ATP5F1C: variants seen among roughly 807,000 people sequenced by gnomAD.
ATP5F1C encodes ATP synthase F(1) complex subunit gamma, mitochondrial.
Under a neutral mutation model 37.4 loss-of-function variants are expected in ATP5F1C, and 22 were observed. The observed-to-expected ratio is 0.59, with a 90% CI of 0.42 to 0.84. The LOEUF (loss-of-function observed/expected upper bound fraction) is 0.84, where lower values mean the gene tolerates loss of function less well. Ranked by LOEUF, ATP5F1C falls within the 40% of genes least tolerant of loss-of-function variation. The pLI is 0.00. For synonymous variants in ATP5F1C, 121 were observed against 128.0 expected (o/e 0.95, Z 0.37); for missense variants, 286 against 362.4 (o/e 0.79, Z 1.71).
intron 1 of ATP5F1C, among the ~76,000 whole-genome samples, chr10:7,789,062 T>C (rs1199027428): frequency 6.6e-6 from 1 of 151,854 alleles, no homozygotes; most frequent in African/African-American, 2.4e-5. Context: ...TAAACATTAG[T>C]TCCGGGTAGG....
At chr10:7,795,707 A>T (rs1564331244) in intron 1 of ATP5F1C, among the ~76,000 whole-genome samples, 1 of 152,136 alleles carries the variant, frequency 6.6e-6, no homozygotes, top group Non-Finnish European at 1.5e-5. Flanking sequence ...TATATCATTG[A>T]CTCTGTTACT....
chr10:7,793,229 A>C (rs1479691779), intron 1 of ATP5F1C, among the ~76,000 whole-genome samples: 1 of 152,204 alleles, frequency 6.6e-6, no homozygotes, highest in African/African-American at 2.4e-5. Flanking sequence ...CTTCTGCCTC[A>C]GCCTCCTGAG....
chr10:7,797,372 TC>T lies in ATP5F1C; in HGVS notation c.223+197del, dbSNP rs1382321847. On this transcript the variant is annotated intron_variant, in intron 3 of 9. Transcript: ENST00000356708. ...GTAGTACAGGTAGGGACTGTTAGAA[TC>T]CCTGCTTTCCAGTGAGAAAAACTGA... 4.6e-5 allele frequency among the ~76,000 whole-genome samples: 7 copies of T among 152,168 alleles called. No homozygotes were observed. In the East Asian group the frequency reaches 1.3e-3, roughly 29 times the overall value.
chr10:7,796,801 G>C, intron 2 of ATP5F1C: 1 of 282,434 alleles, frequency 3.5e-6, no homozygotes, highest in Non-Finnish European at 6.6e-6. Context: ...AGCCAAGATG[G>C]TCTTGATCTC....
intron 1 of ATP5F1C, among the ~76,000 whole-genome samples, chr10:7,789,393 A>T (rs1337183903): frequency 6.6e-6 from 1 of 152,236 alleles, no homozygotes; most frequent in Non-Finnish European, 1.5e-5. Context: ...ATGATATCTG[A>T]TGTGAATTAG....
In ATP5F1C at chr10:7,797,869, G is replaced by A. The variant is rs867713376; in HGVS notation, c.223+691G>A. On this transcript the variant is annotated intron_variant, in intron 3 of 9. Coordinates refer to ENST00000356708, the MANE Select transcript of ATP5F1C (RefSeq NM_001001973.3). ...CCATCCTTAATTAGTCTTCTTAATG[G>A]AAAAGAGATGAGATATGACAGTTTA... 2.6e-5 allele frequency among the ~76,000 whole-genome samples: 4 copies of A among 152,136 alleles called. No individual in the cohort carries two copies. In the South Asian group the frequency reaches 8.3e-4, roughly 32 times the overall value.
intron 2 of ATP5F1C, chr10:7,796,409 A>G: frequency 3.1e-6 from 1 of 326,140 alleles, no homozygotes; most frequent in Non-Finnish European, 5.7e-6. Context: ...GTGTTGGTGT[A>G]GGTGGGTGTA....
In ATP5F1C at chr10:7,789,924, C is replaced by A. The variant is rs184284994; in HGVS notation, c.56+1661C>A. The stretch of plus-strand genomic sequence containing the variant: ...GACAACTACTGTTAGGAGCTTAAAT[C>A]GGAACCACAATCAGCATATAAAGGT... On this transcript the variant is annotated intron_variant, in intron 1 of 9. Coordinates refer to ENST00000356708, the MANE Select transcript of ATP5F1C (RefSeq NM_001001973.3). Among the ~76,000 whole-genome samples the A allele has an allele frequency of 6.6e-5, 10 of 152,300 alleles. No individual in the cohort carries two copies. In the East Asian group the frequency reaches 1.7e-3, roughly 26 times the overall value.
chr10:7,807,600 CATT>C, intron 9 of ATP5F1C, 56 bp from the exon 10 acceptor site: 1 of 1,552,910 alleles, frequency 6.4e-7, no homozygotes, highest in East Asian at 2.3e-5. Flanking sequence ...TATCTCTTGA[CATT>C]ATTTTCCCAA....
chr10:7,807,672 A>G lies in ATP5F1C; in HGVS notation c.*44A>G. ...TTTGTTTTTCAGGTAAAGAAGGAAAATTCAGCCAGTTGATTTTGTTTTTAG... is the reference window on the plus strand; with the variant it reads ...TTTGTTTTTCAGGTAAAGAAGGAAAGTTCAGCCAGTTGATTTTGTTTTTAG... On this transcript the variant is annotated 3_prime_UTR_variant, in exon 10 of 10. Coordinates refer to ENST00000356708, the MANE Select transcript of ATP5F1C (RefSeq NM_001001973.3). 12 of 1,607,600 alleles carry G rather than the reference A, an allele frequency of 7.5e-6. No individual in the cohort carries two copies. Among genetic ancestry groups the G allele is most frequent in the Non-Finnish European group, 7.6e-6 (9 of 1,176,632 alleles).
At position 7,788,184 on chromosome 10, in the gene ATP5F1C, A is replaced by C. The variant is rs772673260; in HGVS notation, c.-24A>C. On this transcript the variant is annotated 5_prime_UTR_variant, in exon 1 of 10. Transcript: ENST00000356708. ...ATGCGCGCTGAGGCCTGCCTGACCGACCTTCAGCAGGGCTGTGGCTACCAT... is the reference window on the plus strand; with the variant it reads ...ATGCGCGCTGAGGCCTGCCTGACCGCCCTTCAGCAGGGCTGTGGCTACCAT... 5 of 1,612,404 alleles carry C rather than the reference A, an allele frequency of 3.1e-6. No homozygotes were observed. The highest frequency in any genetic ancestry group is 3.3e-5 in the Admixed American group (2 of 59,968).
In ATP5F1C at chr10:7,802,818, A is replaced by T; in HGVS notation, c.854A>T (p.Lys285Ile). 6.2e-7 allele frequency: 1 copy of T among 1,614,014 alleles called. No individual in the cohort carries two copies. Among genetic ancestry groups the T allele is most frequent in the Non-Finnish European group, 8.5e-7 (1 of 1,179,972 alleles). ...FNRTRQAVITKELIEIISGAA... is the reference protein window; with the variant it reads ...FNRTRQAVITIELIEIISGAA... Reference sequence around the variant, plus strand: ...CGTACCCGCCAAGCTGTCATCACAAAAGAGTTGATTGAAATTATCTCTGGT... The same window carrying T: ...CGTACCCGCCAAGCTGTCATCACAATAGAGTTGATTGAAATTATCTCTGGT... The change falls in exon 8 of 10, where the codon AAA (lysine) becomes ATA (isoleucine). Residue 285 changes from lysine to isoleucine, a missense_variant. Coordinates refer to ENST00000356708, the MANE Select transcript of ATP5F1C (RefSeq NM_001001973.3).
Position 7,797,131 on chromosome 10 carries a change from C to A in ATP5F1C, c.176C>A (p.Ala59Asp). Residue 59 changes from alanine (A) to aspartate (D), a missense_variant, in exon 3 of 10, where the codon GCT becomes GAT. By Grantham distance (126) the Ala-to-Asp change is moderately radical. Coordinates refer to ENST00000356708, the MANE Select transcript of ATP5F1C (RefSeq NM_001001973.3). ...KMVAAAKYAR[A>D]ERELKPARIY... Reference sequence around the variant, plus strand: ...GTAGCGGCAGCAAAATATGCCCGAGCTGAGAGAGAGCTGAAACCAGCTCGA... The same window carrying A: ...GTAGCGGCAGCAAAATATGCCCGAGATGAGAGAGAGCTGAAACCAGCTCGA... 6.2e-7 allele frequency: 1 copy of A among 1,614,102 alleles called. No individual in the cohort carries two copies. The highest frequency in any genetic ancestry group is 8.5e-7 in the Non-Finnish European group (1 of 1,180,020).
Position 7,788,258 on chromosome 10 carries a change from G to T in ATP5F1C, c.51G>T (p.Pro17=). 6.2e-7 allele frequency: 1 copy of T among 1,613,298 alleles called. No individual in the cohort carries two copies. The highest frequency in any genetic ancestry group is 8.5e-7 in the Non-Finnish European group (1 of 1,179,820). The part of the protein sequence containing the change: ...VAGLSAWTLQ[P]QWIQVRNMAT... ...GGCTGTCGGCCTGGACCTTGCAGCC[G>T]CAATGGTATGGCAGCTTGCGGGAAG... is the stretch of plus-strand genomic sequence containing the variant. Residue 17 remains proline (P), a synonymous_variant, in exon 1 of 10, where the codon CCG becomes CCT. Transcript: ENST00000356708.
intron 6 of ATP5F1C, 42 bp downstream of exon 6, chr10:7,800,133 A>G (rs1836327163): frequency 6.3e-7 from 1 of 1,574,992 alleles, no homozygotes; most frequent in Non-Finnish European, 8.7e-7. Context: ...GGCATATAGA[A>G]TGGAGAGATT....
At chr10:7,806,641 A>G (rs1244439) in intron 8 of ATP5F1C, among the ~76,000 whole-genome samples, 65,224 of 150,410 alleles carry the variant, frequency 0.43, 14,286 homozygotes, top group South Asian at 0.55. Context: ...GCAACAGAAC[A>G]AGACTCCATC....
At chr10:7,802,187 G>C in intron 6 of ATP5F1C, 83 bp from the exon 7 acceptor site, 3 of 1,354,428 alleles carry the variant, frequency 2.2e-6, no homozygotes, top group Non-Finnish European at 3.0e-6. Flanking sequence ...AATTATAAAG[G>C]AGTTTTACAC....
intron 8 of ATP5F1C, chr10:7,804,187 A>T: frequency 1.9e-6 from 1 of 519,054 alleles, no homozygotes; most frequent in Non-Finnish European, 3.8e-6. Context: ...TGACCCACAG[A>T]GTGCAGAATA....
At chr10:7,791,969 A>T (rs1836171385) in intron 1 of ATP5F1C, among the ~76,000 whole-genome samples, 1 of 152,244 alleles carries the variant, frequency 6.6e-6, no homozygotes, top group South Asian at 2.1e-4. Flanking sequence ...TTCAATTCAA[A>T]TTTATACCAT....
Sources: allele counts gnomAD v4.1 joint callset (sites outside exome capture counted in the v4.1 genomes callset), GRCh38; gene constraint gnomAD v4.1.1; transcripts MANE v1.5; gene names NCBI Gene and HGNC (gene_info 2026-07-23, HGNC 2026-07-21).